The following TMBIM4 variants were observed in gnomAD, a reference collection of about 807,000 sequenced individuals.
TMBIM4 encodes the protein transmembrane BAX inhibitor motif containing 4.
Under a neutral mutation model 27.7 loss-of-function variants are expected in TMBIM4, and 28 were observed. The observed-to-expected ratio is 1.01, with a 90% confidence interval of 0.75 to 1.38. The LOEUF (loss-of-function observed/expected upper bound fraction) is 1.38. Ranked by LOEUF, TMBIM4 falls within the 40% of genes most tolerant of loss-of-function variation. The probability of loss-of-function intolerance (pLI) is 0.00; values close to 1 mark genes in which losing one functional copy is unlikely to be tolerated. For missense variants in TMBIM4, 265 were observed against 277.5 expected (o/e 0.95, Z 0.32); for synonymous variants, 115 against 113.1 (o/e 1.02, Z -0.11).
rs541439714 is a variant in TMBIM4, at chr12:66,137,334, C to T, written c.*626G>A. On this transcript the variant is annotated 3_prime_UTR_variant, in exon 7 of 7. Transcript: ENST00000358230. ...GACAACGGTAAACTGATATTCTTAT[C>T]TACTCATAAAATTATTTTTGAATTG... The T allele has an allele frequency of 9.2e-5, 14 of 152,168 alleles. No individual in the cohort carries two copies. The highest frequency in any genetic ancestry group is 3.4e-4 in the African/African-American group (14 of 41,500). 9.4% of individuals were successfully genotyped at this position (152,168 alleles called of 1,614,324 possible).
intron 4 of TMBIM4, among the ~76,000 whole-genome samples, chr12:66,146,668 T>C (rs919884213): frequency 6.6e-6 from 1 of 152,200 alleles, no homozygotes. Flanking sequence ...TTTAATAAAT[T>C]GCAAAGTTAT....
chr12:66,156,683 A>G (rs2051941817), intron 1 of TMBIM4, among the ~76,000 whole-genome samples: 2 of 152,216 alleles, frequency 1.3e-5, no homozygotes, highest in African/African-American at 4.8e-5. Context: ...AAGGTCCCAC[A>G]TGATGTAGAA....
At chr12:66,155,932 A>G (rs2051928582) in intron 1 of TMBIM4, among the ~76,000 whole-genome samples, 1 of 152,228 alleles carries the variant, frequency 6.6e-6, no homozygotes, top group African/African-American at 2.4e-5. Context: ...TATTTTTTAG[A>G]TACCAGCAGT....
At chr12:66,152,877 T>C (rs1592545137) in intron 2 of TMBIM4, among the ~76,000 whole-genome samples, 3 of 151,774 alleles carry the variant, frequency 2.0e-5, no homozygotes, top group Admixed American at 2.0e-4. Flanking sequence ...AACAAAACTG[T>C]ATCATGGAAA....
intron 1 of TMBIM4, among the ~76,000 whole-genome samples, chr12:66,161,326 C>T (rs1404706157): frequency 3.3e-5 from 5 of 152,174 alleles, no homozygotes; most frequent in Non-Finnish European, 4.4e-5. Context: ...CTGCAAGCTC[C>T]GCCTCCCAGC....
chr12:66,145,388 ATTTG>A (rs2051734928), intron 5 of TMBIM4: 1 of 152,514 alleles, frequency 6.6e-6, no homozygotes, highest in Admixed American at 6.5e-5. Flanking sequence ...CATTCCGTAT[ATTTG>A]TTTGAGGAAG....
At chr12:66,151,488 G>A (rs555857662) in intron 3 of TMBIM4, among the ~76,000 whole-genome samples, 8 of 152,160 alleles carry the variant, frequency 5.3e-5, no homozygotes, top group African/African-American at 1.7e-4. Context: ...ATCTGCCCAC[G>A]TCAGCCTTCC....
At chr12:66,138,306 A>G in intron 6 of TMBIM4, 140 bp from the exon 7 acceptor site, 4 of 1,425,630 alleles carry the variant, frequency 2.8e-6, no homozygotes, top group Non-Finnish European at 3.6e-6. Flanking sequence ...TTAAAAGCAG[A>G]AAAAGGCAAG....
At chr12:66,152,822 T>C (rs985602094) in intron 2 of TMBIM4, among the ~76,000 whole-genome samples, 1 of 152,018 alleles carries the variant, frequency 6.6e-6, no homozygotes. Context: ...ACAGAAATTC[T>C]CTACTTCTAT....
At chr12:66,138,817 A>G (rs765952214) in intron 5 of TMBIM4, 48 bp from the exon 6 acceptor site, 15 of 1,437,852 alleles carry the variant, frequency 1.0e-5, no homozygotes, top group Non-Finnish European at 1.4e-5. Flanking sequence ...CCTTACAAAA[A>G]AACTTTGTAA....
chr12:66,139,666 G>T, intron 5 of TMBIM4: 3 of 456,048 alleles, frequency 6.6e-6, no homozygotes, highest in South Asian at 4.6e-5. Context: ...ATATCAGAAA[G>T]AAGAGAACTA....
intron 6 of TMBIM4, among the ~76,000 whole-genome samples, chr12:66,138,501 T>C (rs2051614576): frequency 6.6e-6 from 1 of 152,220 alleles, no homozygotes; most frequent in Admixed American, 6.5e-5. Context: ...TTCTATGTAA[T>C]TTAATTCATT....
chr12:66,158,002 A>G (rs11176064), intron 1 of TMBIM4, among the ~76,000 whole-genome samples: 2 of 152,000 alleles, frequency 1.3e-5, no homozygotes, highest in African/African-American at 4.8e-5. Flanking sequence ...CAAGGTGGGC[A>G]CATCACGAGG....
intron 3 of TMBIM4, among the ~76,000 whole-genome samples, chr12:66,149,105 C>T (rs983310876): frequency 1.3e-5 from 2 of 152,052 alleles, no homozygotes; most frequent in Non-Finnish European, 2.9e-5. Flanking sequence ...CATTTTAATG[C>T]TTTTAGTAGT....
chr12:66,152,189 G>A (rs988363936), intron 3 of TMBIM4, 82 bp downstream of exon 3: 20 of 658,962 alleles, frequency 3.0e-5, no homozygotes, highest in South Asian at 3.9e-5. Context: ...TTGTTCTGCC[G>A]TTGTTATATA....
chr12:66,142,454 A>T (rs1297614761), intron 5 of TMBIM4, among the ~76,000 whole-genome samples: 1 of 150,624 alleles, frequency 6.6e-6, no homozygotes, highest in Middle Eastern at 3.2e-3. Context: ...TCATGGATGC[A>T]TCAAGCTCCT....
chr12:66,147,824 T>C, intron 4 of TMBIM4, 84 bp downstream of exon 4: 1 of 1,098,780 alleles, frequency 9.1e-7, no homozygotes, highest in Admixed American at 2.4e-5. Context: ...GATGTTAAAC[T>C]TTAGCCCCAA....
chr12:66,139,884 T>C (rs1219101775), intron 5 of TMBIM4, among the ~76,000 whole-genome samples: 3 of 152,136 alleles, frequency 2.0e-5, no homozygotes, highest in African/African-American at 7.2e-5. Flanking sequence ...TCGTAAGACA[T>C]GCACTGAGTA....
Position 66,151,171 on chromosome 12 carries a change from T to G in TMBIM4, c.312+1100A>C, listed in dbSNP as rs200918488. 1.0e-4 allele frequency among the ~76,000 whole-genome samples: 4 copies of G among 38,834 alleles called. No homozygotes were observed. In the South Asian group the frequency reaches 3.8e-3, roughly 37 times the overall value. The allele number at this position is 38,834 out of a possible 152,430, so 25.5% of individuals were successfully genotyped here. A position where few individuals can be genotyped will look rare whatever the true frequency, so the allele number is the denominator to read the frequency against. On this transcript the variant is annotated intron_variant, in intron 3 of 6. Coordinates refer to ENST00000358230, the MANE Select transcript of TMBIM4 (RefSeq NM_016056.4). ...AAACTCATTATCAGAATTCATAAACTTTTTAGTTTAAAGCATTTTAATCTA... is the reference window on the plus strand; with the variant it reads ...AAACTCATTATCAGAATTCATAAACGTTTTAGTTTAAAGCATTTTAATCTA...
Sources: gnomAD v4.1 joint callset for allele counts (sites outside exome capture counted in the v4.1 genomes callset) on GRCh38, gnomAD v4.1.1 for gene constraint, MANE v1.5 for transcripts, NCBI Gene and HGNC (gene_info 2026-07-23, HGNC 2026-07-21) for gene names.